Variants in ZNF385D observed in about 807,000 individuals in gnomAD.
The protein encoded by ZNF385D is zinc finger protein 659.
ZNF385D carries 15 observed loss-of-function variants against 35.8 expected under a neutral mutation model. The observed-to-expected ratio is 0.42, with a 90% CI of 0.28 to 0.64. The LOEUF (loss-of-function observed/expected upper bound fraction) is 0.64, where lower values mean the gene tolerates loss of function less well. Among genes scored for constraint, ZNF385D ranks in the 30% least tolerant of loss-of-function variants. The probability of loss-of-function intolerance (pLI) is 0.23; values close to 1 mark genes in which losing one functional copy is unlikely to be tolerated. For synonymous variants in ZNF385D, 212 were observed against 186.8 expected, an observed-to-expected ratio of 1.13 and a Z score of -1.10; for missense variants, 474 against 494.6, an observed-to-expected ratio of 0.96 and a Z score of 0.39.
intron 2 of ZNF385D, among the ~76,000 whole-genome samples, chr3:21,591,381 C>T (rs1435477929): frequency 6.6e-6 from 1 of 151,984 alleles, no homozygotes; most frequent in Non-Finnish European, 1.5e-5. Flanking sequence ...AAATACCTCT[C>T]AGGAGGGGGG....
chr3:21,443,760 A>G (rs571447444), intron 4 of ZNF385D, among the ~76,000 whole-genome samples: 3 of 152,304 alleles, frequency 2.0e-5, no homozygotes, highest in East Asian at 1.9e-4. Context: ...TTGGGTGACT[A>G]TACTATTTCT....
At chr3:21,744,100 A>G (rs2069647878) in intron 1 of ZNF385D, among the ~76,000 whole-genome samples, 1 of 152,196 alleles carries the variant, frequency 6.6e-6, no homozygotes, top group Non-Finnish European at 1.5e-5. Context: ...CATAGAGTCT[A>G]CACCTTAACA....
In ZNF385D at chr3:21,889,761, G is replaced by T. The variant is rs185759195; in HGVS notation, c.326-224733C>A. 2.0e-5 allele frequency among the ~76,000 whole-genome samples: 3 copies of T among 152,218 alleles called. No individual in the cohort carries two copies. The East Asian group carries it at 5.8e-4, about 29-fold the overall frequency. The stretch of plus-strand genomic sequence containing the variant: ...ATGACAAAGTACCATAAACTGAATG[G>T]CTTAGAAACAGAAATATATTATCTC... On this transcript the variant is annotated intron_variant, in intron 3 of 5. Coordinates refer to the ZNF385D transcript ENST00000494108.
At chr3:21,585,040 T>C (rs1315708746) in intron 2 of ZNF385D, among the ~76,000 whole-genome samples, 4 of 122,946 alleles carry the variant, frequency 3.3e-5, no homozygotes, top group Admixed American at 1.7e-4. Context: ...GTTTGAAATA[T>C]AACGAATCTT....
chr3:21,808,770 G>C (rs1296509616), intron 3 of ZNF385D, among the ~76,000 whole-genome samples: 2 of 152,198 alleles, frequency 1.3e-5, no homozygotes, highest in Non-Finnish European at 1.5e-5. Flanking sequence ...GGAAACCCTA[G>C]AGCAGCCAAT....
chr3:22,325,641 C>T (rs1694640475), intron 2 of ZNF385D, among the ~76,000 whole-genome samples: 1 of 152,030 alleles, frequency 6.6e-6, no homozygotes, highest in African/African-American at 2.4e-5. Flanking sequence ...AATCTGTAAT[C>T]CCAGCTACTC....
intron 3 of ZNF385D, among the ~76,000 whole-genome samples, chr3:21,813,927 T>A (rs1355386758): frequency 1.3e-5 from 2 of 151,910 alleles, no homozygotes; most frequent in South Asian, 2.1e-4. Flanking sequence ...GAAATGAAGG[T>A]AAAAATGTTA....
chr3:22,069,563 G>T (rs184032731), intron 3 of ZNF385D, among the ~76,000 whole-genome samples: 1 of 152,252 alleles, frequency 6.6e-6, no homozygotes, highest in East Asian at 1.9e-4. Context: ...AGAAGCAAAA[G>T]GATGGCATAA....
At chr3:22,272,422 C>T (rs1339335576) in intron 2 of ZNF385D, among the ~76,000 whole-genome samples, 1 of 151,824 alleles carries the variant, frequency 6.6e-6, no homozygotes, top group Non-Finnish European at 1.5e-5. Flanking sequence ...AGGACATTAC[C>T]CATAATGAAC....
At chr3:22,005,809 C>T (rs1352267027) in intron 3 of ZNF385D, among the ~76,000 whole-genome samples, 1 of 152,006 alleles carries the variant, frequency 6.6e-6, no homozygotes, top group Non-Finnish European at 1.5e-5. Context: ...TGAAAATCCT[C>T]ATGTCTTTGT....
At chr3:21,918,612 G>T (rs536118306) in intron 3 of ZNF385D, among the ~76,000 whole-genome samples, 3 of 152,238 alleles carry the variant, frequency 2.0e-5, no homozygotes, top group African/African-American at 7.2e-5. Flanking sequence ...GAGGAAAAGT[G>T]AAATAATAGC....
chr3:21,607,215 G>T (rs1253477849), intron 2 of ZNF385D, among the ~76,000 whole-genome samples: 1 of 151,866 alleles, frequency 6.6e-6, no homozygotes, highest in Non-Finnish European at 1.5e-5. Context: ...AAACTAATAC[G>T]ATATTAATTT....
intron 3 of ZNF385D, among the ~76,000 whole-genome samples, chr3:21,827,285 T>G (rs1418728627): frequency 1.3e-5 from 2 of 152,204 alleles, no homozygotes; most frequent in Non-Finnish European, 2.9e-5. Context: ...ATTGTTTATT[T>G]TATATTAATG....
chr3:21,681,298 T>TTAAA (rs367942289), intron 1 of ZNF385D, among the ~76,000 whole-genome samples: 4 of 64,486 alleles, frequency 6.2e-5, no homozygotes, highest in African/African-American at 2.2e-4. Flanking sequence ...ATTCCATCAG[T>TTAAA]AAAAAAAAAA....
chr3:21,592,432 G>C (rs928423687), intron 2 of ZNF385D, among the ~76,000 whole-genome samples: 3 of 151,406 alleles, frequency 2.0e-5, no homozygotes, highest in African/African-American at 7.3e-5. Context: ...GATTGCTACA[G>C]ATGGCAATAT....
At chr3:21,918,848 G>T (rs56260005) in intron 3 of ZNF385D, among the ~76,000 whole-genome samples, 2 of 152,130 alleles carry the variant, frequency 1.3e-5, no homozygotes, top group East Asian at 3.9e-4. Context: ...GCGAGATCTC[G>T]TGATTTTAAT....
chr3:21,976,401 G>A (rs868366044), intron 3 of ZNF385D, among the ~76,000 whole-genome samples: 1 of 152,178 alleles, frequency 6.6e-6, no homozygotes, highest in Non-Finnish European at 1.5e-5. Context: ...AGAATGATAA[G>A]AGGATGATCA....
chr3:21,958,068 T>C (rs1343292859), intron 3 of ZNF385D, among the ~76,000 whole-genome samples: 2 of 152,144 alleles, frequency 1.3e-5, no homozygotes, highest in African/African-American at 4.8e-5. Flanking sequence ...AATAAAACTG[T>C]TACAATTCAC....
chr3:21,905,105 G>C (rs142404130), intron 3 of ZNF385D, among the ~76,000 whole-genome samples: 2 of 144,610 alleles, frequency 1.4e-5, no homozygotes, highest in African/African-American at 2.5e-5. Flanking sequence ...ATATGTATTA[G>C]AGATTATGAC....
Sources: gnomAD v4.1 joint callset for allele counts (sites outside exome capture counted in the v4.1 genomes callset) on GRCh38, gnomAD v4.1.1 for gene constraint, MANE v1.5 for transcripts, NCBI Gene and HGNC (gene_info 2026-07-23, HGNC 2026-07-21) for gene names.